AGBL4: variants seen among roughly 807,000 people sequenced by gnomAD.
AGBL4 encodes the protein AGBL carboxypeptidase 4.
A neutral mutation model predicts 66.4 loss-of-function variants in AGBL4; 58 were observed. That is an observed-to-expected ratio of 0.87 (90% CI 0.71 to 1.09). AGBL4 has a LOEUF of 1.09. AGBL4 is among the 50% of genes least tolerant of loss of function. AGBL4 has a pLI of 0.00. For missense variants in AGBL4, 579 were observed against 631.0 expected (o/e 0.92, Z 0.88); for synonymous variants, 234 against 222.9 (o/e 1.05, Z -0.44).
At chr1:48,893,604 G>A (rs1651196845) in intron 5 of AGBL4, among the ~76,000 whole-genome samples, 1 of 152,052 alleles carries the variant, frequency 6.6e-6, no homozygotes, top group African/African-American at 2.4e-5. Flanking sequence ...AGAATGGTGT[G>A]GACCTGAGAG....
intron 6 of AGBL4, among the ~76,000 whole-genome samples, chr1:48,843,164 A>G (rs986256082): frequency 1.3e-5 from 2 of 152,162 alleles, no homozygotes; most frequent in Non-Finnish European, 2.9e-5. Flanking sequence ...TTAAAATGGT[A>G]AAACAATAGC....
intron 1 of AGBL4, among the ~76,000 whole-genome samples, chr1:49,880,162 G>C (rs576067008): frequency 2.6e-5 from 4 of 151,768 alleles, no homozygotes; most frequent in African/African-American, 7.3e-5. Context: ...CTCTCAGCTC[G>C]TCAAAATCAT....
intron 5 of AGBL4, among the ~76,000 whole-genome samples, chr1:48,974,785 C>T (rs917558150): frequency 4.6e-5 from 7 of 152,124 alleles, no homozygotes; most frequent in Non-Finnish European, 7.4e-5. Context: ...CAAACAATTC[C>T]TATTTCTGGC....
chr1:49,854,535 CCT>C (rs1646386651), intron 1 of AGBL4, among the ~76,000 whole-genome samples: 1 of 152,184 alleles, frequency 6.6e-6, no homozygotes, highest in Admixed American at 6.5e-5. Flanking sequence ...TACTCACCCC[CCT>C]GAAGCCTAAG....
intron 4 of AGBL4, among the ~76,000 whole-genome samples, chr1:49,104,336 G>A (rs1427540741): frequency 6.6e-6 from 1 of 152,084 alleles, no homozygotes; most frequent in Non-Finnish European, 1.5e-5. Flanking sequence ...ATCTCCTTGA[G>A]GGAAGGATAT....
intron 3 of AGBL4, among the ~76,000 whole-genome samples, chr1:49,563,285 T>C (rs1328475725): frequency 6.6e-6 from 1 of 152,090 alleles, no homozygotes; most frequent in South Asian, 2.1e-4. Context: ...CTTTTCCTAA[T>C]TGAATGCTCT....
rs1651549959 is a variant in AGBL4, at chr1:49,245,278, AC to A, written c.377+491del. ...AAAATACACACACACACACACACACACACACACACACACACACAAAACACAA... is the reference window on the plus strand; with the variant it reads ...AAAATACACACACACACACACACACAACACACACACACACACAAAACACAA... On this transcript the variant is annotated intron_variant, in intron 4 of 13. Transcript: ENST00000371839. 2.6e-5 allele frequency among the ~76,000 whole-genome samples: 4 copies of A among 151,282 alleles called. No individual in the cohort carries two copies. In the East Asian group the frequency reaches 7.7e-4, roughly 29 times the overall value.
chr1:49,775,856 T>G (rs937707564), intron 2 of AGBL4, among the ~76,000 whole-genome samples: 16 of 152,018 alleles, frequency 1.1e-4, no homozygotes, highest in African/African-American at 3.9e-4. Context: ...AAGTAAAAGA[T>G]TTATTATTAT....
chr1:48,590,672 A>T (rs1644901122), intron 10 of AGBL4, among the ~76,000 whole-genome samples, 161 bp downstream of exon 10: 1 of 152,160 alleles, frequency 6.6e-6, no homozygotes, highest in South Asian at 2.1e-4. Context: ...GCTTGAGGAC[A>T]TGGGCACATC....
At chr1:48,681,522 T>A (rs1646454302) in intron 6 of AGBL4, among the ~76,000 whole-genome samples, 1 of 152,172 alleles carries the variant, frequency 6.6e-6, no homozygotes, top group African/African-American at 2.4e-5. Flanking sequence ...ACCACAGGAC[T>A]CCAGAGCCCT....
intron 3 of AGBL4, among the ~76,000 whole-genome samples, chr1:49,403,121 C>A (rs573165675): frequency 2.0e-5 from 3 of 152,216 alleles, no homozygotes; most frequent in South Asian, 2.1e-4. Flanking sequence ...AAAAATCTTT[C>A]TTTAGCTATA....
intron 1 of AGBL4, among the ~76,000 whole-genome samples, chr1:49,929,444 T>C (rs977443342): frequency 6.6e-6 from 1 of 151,774 alleles, no homozygotes; most frequent in Admixed American, 6.6e-5. Context: ...ATTTTTAAAG[T>C]AGTGAAAGAA....
intron 3 of AGBL4, among the ~76,000 whole-genome samples, chr1:49,325,903 T>C (rs776775245): frequency 7.6e-4 from 115 of 152,202 alleles, no homozygotes; most frequent in Non-Finnish European, 1.4e-3. Context: ...GTTCCCTCCA[T>C]GGGAGACTTT....
intron 5 of AGBL4, among the ~76,000 whole-genome samples, chr1:48,890,047 C>A (rs1650789846): frequency 6.6e-6 from 1 of 151,110 alleles, no homozygotes; most frequent in African/African-American, 2.4e-5. Context: ...CTATGGTATA[C>A]AGGTATTTGC....
At chr1:49,481,609 C>T (rs554303944) in intron 3 of AGBL4, among the ~76,000 whole-genome samples, 1 of 152,006 alleles carries the variant, frequency 6.6e-6, no homozygotes, top group African/African-American at 2.4e-5. Flanking sequence ...TATTTGAATA[C>T]CCTTTATTTC....
intron 3 of AGBL4, among the ~76,000 whole-genome samples, chr1:49,607,661 CT>C (rs1199122378): frequency 6.6e-6 from 1 of 152,060 alleles, no homozygotes; most frequent in Non-Finnish European, 1.5e-5. Context: ...TTCAGTGTGT[CT>C]TTAGTCTATA....
At chr1:49,256,265 C>T (rs952662350) in intron 3 of AGBL4, among the ~76,000 whole-genome samples, 1 of 151,894 alleles carries the variant, frequency 6.6e-6, no homozygotes, top group Admixed American at 6.6e-5. Flanking sequence ...ATACATATAT[C>T]AAAACATCAC....
At chr1:48,776,482 G>A in intron 6 of AGBL4, 1 of 719,730 alleles carries the variant, frequency 1.4e-6, no homozygotes, top group South Asian at 2.5e-5. Flanking sequence ...CCAGAGGACG[G>A]GAGAAGGAGG....
intron 3 of AGBL4, among the ~76,000 whole-genome samples, chr1:49,659,189 T>C (rs536190358): frequency 1.3e-5 from 2 of 151,976 alleles, no homozygotes; most frequent in East Asian, 3.9e-4. Context: ...GGAAATACCA[T>C]TATCAGCCAC....
Sources: allele counts gnomAD v4.1 joint callset (sites outside exome capture counted in the v4.1 genomes callset), GRCh38; gene constraint gnomAD v4.1.1; transcripts MANE v1.5; gene names NCBI Gene and HGNC (gene_info 2026-07-23, HGNC 2026-07-21).